Variants in PLCL2 observed in about 807,000 individuals in gnomAD.
PLCL2 encodes the protein phospholipase C like 2.
PLCL2 carries 4 observed loss-of-function variants against 79.6 expected under a neutral mutation model. The ratio of observed to expected loss-of-function variants is 0.05; its 90% CI spans 0.02 to 0.11. PLCL2 has a LOEUF of 0.11. Ranked by LOEUF, PLCL2 falls within the 10% of genes least tolerant of loss-of-function variation. The probability of loss-of-function intolerance (pLI) is 1.00; values close to 1 mark genes in which losing one functional copy is unlikely to be tolerated. For synonymous variants in PLCL2, 484 were observed against 457.7 expected (o/e 1.06, Z -0.73); for missense variants, 895 against 1,291.0 (o/e 0.69, Z 4.70).
chr3:16,917,620 A>G (rs761888747), intron 1 of PLCL2, among the ~76,000 whole-genome samples: 3 of 152,186 alleles, frequency 2.0e-5, no homozygotes, highest in Non-Finnish European at 4.4e-5. Flanking sequence ...CAGAGTGTCT[A>G]TGTGTAGCCT....
chr3:17,049,117 A>G (rs2064813303), intron 4 of PLCL2, among the ~76,000 whole-genome samples: 1 of 152,120 alleles, frequency 6.6e-6, no homozygotes, highest in Non-Finnish European at 1.5e-5. Context: ...TTTATCTCAC[A>G]TTGAAAATAC....
At chr3:16,989,162 A>G (rs2064080221) in intron 1 of PLCL2, among the ~76,000 whole-genome samples, 1 of 152,140 alleles carries the variant, frequency 6.6e-6, no homozygotes, top group Admixed American at 6.5e-5. Flanking sequence ...ACAAAATGTT[A>G]TTCTTCCAAA....
At chr3:16,971,943 A>G (rs2063873122) in intron 1 of PLCL2, among the ~76,000 whole-genome samples, 1 of 152,184 alleles carries the variant, frequency 6.6e-6, no homozygotes, top group South Asian at 2.1e-4. Context: ...TGATTATCTC[A>G]ATAGATGCAG....
intron 1 of PLCL2, among the ~76,000 whole-genome samples, chr3:16,888,140 A>C (rs1696267620): frequency 6.6e-6 from 1 of 152,200 alleles, no homozygotes; most frequent in Admixed American, 6.5e-5. Flanking sequence ...TAATGGCCTA[A>C]ATGTGCTATA....
intron 1 of PLCL2, among the ~76,000 whole-genome samples, chr3:16,932,095 T>C (rs996068044): frequency 6.6e-5 from 10 of 152,182 alleles, no homozygotes; most frequent in Non-Finnish European, 7.3e-5. Context: ...CCTTCAGAAC[T>C]GTGAGAAACA....
chr3:17,045,389 C>T (rs1292197255), intron 4 of PLCL2, among the ~76,000 whole-genome samples: 1 of 152,206 alleles, frequency 6.6e-6, no homozygotes, highest in Non-Finnish European at 1.5e-5. Flanking sequence ...CAGAAGGGTT[C>T]AGGCTCTTGG....
intron 1 of PLCL2, among the ~76,000 whole-genome samples, chr3:16,891,369 GT>G (rs1696345570): frequency 6.6e-6 from 1 of 152,214 alleles, no homozygotes; most frequent in Non-Finnish European, 1.5e-5. Flanking sequence ...GCATTAGTGT[GT>G]TTTTCTGATT....
chr3:17,072,273 A>G (rs1023790532), intron 5 of PLCL2, among the ~76,000 whole-genome samples: 3 of 152,198 alleles, frequency 2.0e-5, no homozygotes, highest in African/African-American at 7.2e-5. Flanking sequence ...CTTTGAGGTT[A>G]AGAAAAGGGA....
intron 1 of PLCL2, among the ~76,000 whole-genome samples, chr3:16,921,979 CA>C (rs1194701756): frequency 2.0e-5 from 3 of 151,022 alleles, no homozygotes; most frequent in African/African-American, 7.3e-5. Context: ...TTTAGCAGAG[CA>C]AAAAAAGAGA....
intron 4 of PLCL2, among the ~76,000 whole-genome samples, chr3:17,044,529 T>A (rs992433193): frequency 2.0e-5 from 3 of 152,256 alleles, no homozygotes; most frequent in African/African-American, 7.2e-5. Context: ...ATTTTATTAA[T>A]GCATTCCATC....
chr3:17,037,483 T>C (rs2064670388), intron 3 of PLCL2, among the ~76,000 whole-genome samples: 2 of 152,246 alleles, frequency 1.3e-5, no homozygotes, highest in African/African-American at 4.8e-5. Context: ...TTTTACTGTC[T>C]AGCCTTTTTC....
chr3:16,931,813 G>C (rs1388582605), intron 1 of PLCL2, among the ~76,000 whole-genome samples: 3 of 152,142 alleles, frequency 2.0e-5, no homozygotes, highest in Non-Finnish European at 4.4e-5. Context: ...AAGACACTAA[G>C]TTCTGACATA....
At chr3:16,949,302 C>G (rs1310418592) in intron 1 of PLCL2, among the ~76,000 whole-genome samples, 1 of 152,142 alleles carries the variant, frequency 6.6e-6, no homozygotes, top group Non-Finnish European at 1.5e-5. Context: ...TGGCAGTTTC[C>G]CTACACACTT....
intron 1 of PLCL2, among the ~76,000 whole-genome samples, chr3:16,948,465 C>G (rs1051472953): frequency 4.9e-4 from 74 of 152,256 alleles, no homozygotes; most frequent in Middle Eastern, 3.4e-3. Context: ...TTGCAGAACT[C>G]TGTGAATATA....
chr3:16,905,082 A>G lies in PLCL2; in HGVS notation c.327+19716A>G, dbSNP rs577426170. On this transcript the variant is annotated intron_variant, in intron 1 of 5. Coordinates refer to ENST00000615277, the MANE Select transcript of PLCL2 (RefSeq NM_001144382.2). ...AAGCCTGTATACTCCAGGAGAAACTAGAGAATGCTTTTGAGGATTATTTTT... is the reference window on the plus strand; with the variant it reads ...AAGCCTGTATACTCCAGGAGAAACTGGAGAATGCTTTTGAGGATTATTTTT... Among the ~76,000 whole-genome samples, 27 of 152,264 alleles carry G rather than the reference A, an allele frequency of 1.8e-4. No homozygotes were observed. The South Asian group carries it at 5.6e-3, about 32-fold the overall frequency.
At chr3:17,014,580 C>T in intron 2 of PLCL2, 128 bp from the exon 3 acceptor site, 1 of 731,024 alleles carries the variant, frequency 1.4e-6, no homozygotes, top group South Asian at 1.7e-5. Context: ...TTAGCCAATT[C>T]TGTTATAACA....
chr3:16,928,452 G>A (rs559247428), intron 1 of PLCL2, among the ~76,000 whole-genome samples: 18 of 152,332 alleles, frequency 1.2e-4, no homozygotes, highest in Admixed American at 1.0e-3. Flanking sequence ...GCTTAGGGTA[G>A]AACCTTGGGG....
intron 1 of PLCL2, among the ~76,000 whole-genome samples, chr3:16,929,385 T>C: frequency 6.6e-6 from 1 of 152,128 alleles, no homozygotes; most frequent in East Asian, 1.9e-4. Context: ...AAAAGAGGTT[T>C]CCCAAAAAGA....
intron 1 of PLCL2, among the ~76,000 whole-genome samples, chr3:16,981,190 A>G (rs1239291575): frequency 1.3e-5 from 2 of 152,182 alleles, no homozygotes; most frequent in Non-Finnish European, 2.9e-5. Context: ...TTCAACCATG[A>G]TTGTGATAAT....
Sources: gnomAD v4.1 joint callset for allele counts (sites outside exome capture counted in the v4.1 genomes callset) on GRCh38, gnomAD v4.1.1 for gene constraint, MANE v1.5 for transcripts, NCBI Gene and HGNC (gene_info 2026-07-23, HGNC 2026-07-21) for gene names.